Variants in TLN2 observed in about 807,000 individuals in gnomAD.
TLN2 encodes the protein talin-2.
A neutral mutation model predicts 294.7 loss-of-function variants in TLN2; 118 were observed. That is an observed-to-expected ratio of 0.40 (90% confidence interval 0.34 to 0.47). The LOEUF is 0.47. TLN2 is among the 20% of genes least tolerant of loss of function. TLN2 has a pLI of 0.84. For synonymous variants in TLN2, 1,431 were observed against 1,304.5 expected (o/e 1.10, Z -2.09); for missense variants, 3,083 against 3,282.2 (o/e 0.94, Z 1.48).
At chr15:62,549,656 A>G (rs563427013) in intron 1 of TLN2, among the ~76,000 whole-genome samples, 1 of 152,306 alleles carries the variant, frequency 6.6e-6, no homozygotes, top group South Asian at 2.1e-4. Context: ...TTTATGTGGT[A>G]TATACTGTAT....
intron 52 of TLN2, among the ~76,000 whole-genome samples, chr15:62,814,647 A>G (rs1161060851): frequency 6.6e-6 from 1 of 152,204 alleles, no homozygotes; most frequent in East Asian, 1.9e-4. Context: ...AGTATTTTCT[A>G]TTAAAAATAT....
In TLN2 at chr15:62,797,421, G is replaced by T; in HGVS notation, c.6234+19G>T. The T allele has an allele frequency of 3.8e-6, 6 of 1,574,612 alleles. No homozygotes were observed. The highest frequency in any genetic ancestry group is 5.1e-6 in the Non-Finnish European group (6 of 1,166,142). ...GACCCAGGTACCAGCAGGGCCTGGG[G>T]AGTGCGTCCTCCCGGTCTTCCCGTG... On this transcript the variant is annotated intron_variant, in intron 48 of 58. Coordinates refer to ENST00000636159, the MANE Select transcript of TLN2 (RefSeq NM_015059.3).
chr15:62,631,510 CTTT>C (rs750991680), intron 3 of TLN2, among the ~76,000 whole-genome samples: 15 of 118,728 alleles, frequency 1.3e-4, no homozygotes, highest in Admixed American at 7.4e-4. Context: ...TCTTTTCTTT[CTTT>C]CTTTCTTCCT....
At chr15:62,704,726 A>G (rs946566280) in intron 19 of TLN2, among the ~76,000 whole-genome samples, 11 of 152,262 alleles carry the variant, frequency 7.2e-5, no homozygotes, top group African/African-American at 2.7e-4. Context: ...CCCTAGAATC[A>G]AAATGAACTG....
Position 62,753,850 on chromosome 15 carries a change from C to T in TLN2, c.4410C>T (p.Ala1470=). 1 of 1,611,974 alleles carries T rather than the reference C, an allele frequency of 6.2e-7. No homozygotes were observed. Among genetic ancestry groups the T allele is most frequent in the East Asian group, 2.2e-5 (1 of 44,698 alleles). The stretch of plus-strand genomic sequence containing the variant: ...GCCTGGTGGACCCCATCCAGTTTGC[C>T]AGGGCTAACCAGGCCATCCAGATGG... ...HQGLVDPIQF[A]RANQAIQMAC... The change falls in exon 36 of 59, where the codon GCC becomes GCT. Residue 1470 remains alanine, a synonymous_variant. Transcript: ENST00000636159.
chr15:62,542,038 G>T (rs2041722279), intron 1 of TLN2, among the ~76,000 whole-genome samples: 1 of 151,836 alleles, frequency 6.6e-6, no homozygotes, highest in South Asian at 2.1e-4. Context: ...TTTAGGACTC[G>T]TTAAGTGCCA....
At position 62,840,865 on chromosome 15, in the gene TLN2, G is replaced by T. The variant is rs1305460564; in HGVS notation, c.*255G>T. 2 of 444,784 alleles carry T rather than the reference G, an allele frequency of 4.5e-6. No individual in the cohort carries two copies. The allele number at this position is 444,784 out of a possible 1,614,324, so 27.6% of individuals were successfully genotyped here. On this transcript the variant is annotated 3_prime_UTR_variant, in exon 59 of 59. Coordinates refer to ENST00000636159, the MANE Select transcript of TLN2 (RefSeq NM_015059.3). ...CCTCACCGTGTCTCAGGAGAGAGGG[G>T]TGCACGTTTCATGGACTGTTACCAA...
At chr15:62,820,286 T>A (rs141260028) in intron 53 of TLN2, among the ~76,000 whole-genome samples, 200 bp from the exon 54 acceptor site, 35 of 151,914 alleles carry the variant, frequency 2.3e-4, no homozygotes, top group African/African-American at 8.0e-4. Context: ...TGCAACTGAT[T>A]TAGAAAACCA....
At chr15:62,793,444 A>AT (rs1344815548) in intron 46 of TLN2, among the ~76,000 whole-genome samples, 1 of 152,246 alleles carries the variant, frequency 6.6e-6, no homozygotes, top group African/African-American at 2.4e-5. Flanking sequence ...TAAAATGAGG[A>AT]TAAAAATATA....
intron 1 of TLN2, among the ~76,000 whole-genome samples, chr15:62,536,866 A>G (rs1314644764): frequency 6.6e-6 from 1 of 152,226 alleles, no homozygotes; most frequent in Non-Finnish European, 1.5e-5. Flanking sequence ...AAGTCAGGGT[A>G]ATTAGCATAT....
chr15:62,727,754 A>T (rs1374803611), intron 28 of TLN2, among the ~76,000 whole-genome samples: 2 of 152,224 alleles, frequency 1.3e-5, no homozygotes, highest in Non-Finnish European at 1.5e-5. Flanking sequence ...GAAAAGTTAT[A>T]CAATGAGGAA....
chr15:62,573,955 A>G (rs2044157869), intron 1 of TLN2, among the ~76,000 whole-genome samples: 1 of 151,988 alleles, frequency 6.6e-6, no homozygotes, highest in South Asian at 2.1e-4. Flanking sequence ...CTCCCTGCAC[A>G]TGCCTTCAAC....
chr15:62,620,263 G>T (rs2048681476), intron 3 of TLN2, among the ~76,000 whole-genome samples: 2 of 152,130 alleles, frequency 1.3e-5, no homozygotes, highest in Non-Finnish European at 2.9e-5. Context: ...AATCAGTGCA[G>T]TAAAAATTTC....
At chr15:62,747,868 A>G (rs11636391) in intron 32 of TLN2, among the ~76,000 whole-genome samples, 62,471 of 152,042 alleles carry the variant, frequency 0.41, 14,557 homozygotes, top group Middle Eastern at 0.53. Context: ...ACAAAATGAT[A>G]AGAGAAAATG....
At chr15:62,822,293 A>G (rs1244081543) in intron 54 of TLN2, among the ~76,000 whole-genome samples, 1 of 152,242 alleles carries the variant, frequency 6.6e-6, no homozygotes, top group Non-Finnish European at 1.5e-5. Flanking sequence ...CTTGGTAGAT[A>G]GTAACTATAT....
At chr15:62,746,359 A>G (rs764065938) in intron 32 of TLN2, among the ~76,000 whole-genome samples, 2 of 152,160 alleles carry the variant, frequency 1.3e-5, no homozygotes, top group South Asian at 2.1e-4. Flanking sequence ...ACCCTCCGCA[A>G]TCCTTGGAAC....
At chr15:62,740,902 T>C (rs2061287415) in intron 32 of TLN2, 133 bp downstream of exon 32, 1 of 1,108,396 alleles carries the variant, frequency 9.0e-7, no homozygotes, top group African/African-American at 1.6e-5. Flanking sequence ...GAGGTGGAGC[T>C]GAGAGTGATG....
chr15:62,603,143 C>T (rs867192572), intron 2 of TLN2, among the ~76,000 whole-genome samples: 22 of 152,256 alleles, frequency 1.4e-4, no homozygotes, highest in Non-Finnish European at 2.5e-4. Flanking sequence ...CCACCTGCCT[C>T]GGCCTCCCAC....
chr15:62,789,133 T>G (rs1025484795), intron 45 of TLN2, among the ~76,000 whole-genome samples: 1 of 152,204 alleles, frequency 6.6e-6, no homozygotes, highest in African/African-American at 2.4e-5. Context: ...CAGCTTGTCC[T>G]TGATAACCCT....
Sources: allele counts gnomAD v4.1 joint callset (sites outside exome capture counted in the v4.1 genomes callset), GRCh38; gene constraint gnomAD v4.1.1; transcripts MANE v1.5; gene names NCBI Gene and HGNC (gene_info 2026-07-23, HGNC 2026-07-21).